The following DNAJC24 variants were observed in gnomAD, a reference collection of about 807,000 sequenced individuals.
DNAJC24 encodes the protein DnaJ heat shock protein family (Hsp40) member C24, also known as dnaJ homolog subfamily C member 24.
Under a neutral mutation model 18.0 loss-of-function variants are expected in DNAJC24, and 17 were observed. The ratio of observed to expected loss-of-function variants is 0.94; its 90% CI spans 0.65 to 1.42. The LOEUF (loss-of-function observed/expected upper bound fraction) is 1.42, where lower values mean the gene tolerates loss of function less well. Among genes scored for constraint, DNAJC24 ranks in the 40% most tolerant of loss-of-function variants. The probability of loss-of-function intolerance (pLI) is 0.00; values close to 1 mark genes in which losing one functional copy is unlikely to be tolerated. For missense variants in DNAJC24, 158 were observed against 175.6 expected (o/e 0.90, Z 0.57); for synonymous variants, 55 against 57.7 (o/e 0.95, Z 0.21).
At chr11:31,399,816 C>T (rs1952583062) in intron 2 of DNAJC24, among the ~76,000 whole-genome samples, 1 of 134,044 alleles carries the variant, frequency 7.5e-6, no homozygotes, top group South Asian at 2.6e-4. Context: ...CATAGGTATA[C>T]ATGTGCCATG....
chr11:31,418,916 TAAAAC>T (rs943616479), intron 3 of DNAJC24, among the ~76,000 whole-genome samples: 1 of 152,056 alleles, frequency 6.6e-6, no homozygotes, highest in Non-Finnish European at 1.5e-5. Flanking sequence ...AAGCAAATCT[TAAAAC>T]AAATGAGGAA....
intron 4 of DNAJC24, chr11:31,427,360 T>G (rs1358987677): frequency 1.3e-5 from 2 of 151,832 alleles, no homozygotes; most frequent in Non-Finnish European, 2.9e-5. Flanking sequence ...GAGTAGAAAT[T>G]CAGTGAATAA....
chr11:31,373,450 TTTTATATGTTG>T lies in DNAJC24; in HGVS notation c.111+2597_111+2607del, dbSNP rs1321861282. 1.5e-5 allele frequency among the ~76,000 whole-genome samples: 2 copies of T among 135,372 alleles called. 1 individual carries two copies. The highest frequency in any genetic ancestry group is 3.4e-5 in the Non-Finnish European group (2 of 58,546). The allele number at this position is 135,372 out of a possible 152,430, so 88.8% of individuals were successfully genotyped here. ...GAGTCTATTACTGGACTCTATTCTG[TTTTATATGTTG>T]TTTATCCTTTTACTAATACCTCCAT... On this transcript the variant is annotated intron_variant, in intron 2 of 4. Transcript: ENST00000465995.
At position 31,373,535 on chromosome 11, in the gene DNAJC24, G is replaced by T. The variant is rs933521144; in HGVS notation, c.111+2676G>T. Reference sequence around the variant, plus strand: ...CAGTCTCAAAGTCATTGTAAAGTTAGTTCTCTAATATTATCCTTCTTTTCC... The same window carrying T: ...CAGTCTCAAAGTCATTGTAAAGTTATTTCTCTAATATTATCCTTCTTTTCC... On this transcript the variant is annotated intron_variant, in intron 2 of 4. Coordinates refer to ENST00000465995, the MANE Select transcript of DNAJC24 (RefSeq NM_181706.5). 4.4e-5 allele frequency among the ~76,000 whole-genome samples: 6 copies of T among 135,036 alleles called. 1 individual carries two copies. Among genetic ancestry groups the T allele is most frequent in the African/African-American group, 1.5e-4 (6 of 40,320 alleles). The allele number at this position is 135,036 out of a possible 152,430, so 88.6% of individuals were successfully genotyped here.
chr11:31,394,601 G>A (rs1022365842), intron 2 of DNAJC24, among the ~76,000 whole-genome samples: 20 of 151,502 alleles, frequency 1.3e-4, no homozygotes, highest in African/African-American at 4.8e-4. Flanking sequence ...TTAAAAAAAA[G>A]TTTCTAAACA....
At chr11:31,405,457 A>G (rs964710710) in intron 2 of DNAJC24, among the ~76,000 whole-genome samples, 2 of 150,408 alleles carry the variant, frequency 1.3e-5, no homozygotes, top group African/African-American at 2.5e-5. Context: ...TCATGCTGCT[A>G]TATCAGAATA....
intron 3 of DNAJC24, among the ~76,000 whole-genome samples, chr11:31,419,355 A>C (rs975558089): frequency 4.6e-5 from 7 of 152,050 alleles, no homozygotes; most frequent in Non-Finnish European, 8.8e-5. Context: ...GACTGGCTTT[A>C]TCTTGAGTGG....
At chr11:31,382,824 G>A (rs1952389693) in intron 2 of DNAJC24, among the ~76,000 whole-genome samples, 1 of 152,052 alleles carries the variant, frequency 6.6e-6, no homozygotes, top group Admixed American at 6.6e-5. Flanking sequence ...AAGGGTTAAG[G>A]ATTCATTACC....
chr11:31,394,662 ATAT>A (rs1311695454), intron 2 of DNAJC24, among the ~76,000 whole-genome samples: 2 of 152,106 alleles, frequency 1.3e-5, no homozygotes, highest in Non-Finnish European at 2.9e-5. Context: ...TATTTAACAA[ATAT>A]TATGTTAGAA....
chr11:31,404,068 C>T (rs966047024), intron 2 of DNAJC24, among the ~76,000 whole-genome samples: 2 of 152,160 alleles, frequency 1.3e-5, no homozygotes, highest in Admixed American at 6.5e-5. Context: ...ACTGTCATGG[C>T]TCTGGTGGGA....
chr11:31,380,979 T>C (rs1952371310), intron 2 of DNAJC24, among the ~76,000 whole-genome samples: 1 of 152,174 alleles, frequency 6.6e-6, no homozygotes, highest in Admixed American at 6.5e-5. Context: ...GAGTAAATCT[T>C]ATTATAGCAC....
intron 2 of DNAJC24, among the ~76,000 whole-genome samples, chr11:31,406,603 C>T (rs1564954226): frequency 6.6e-6 from 1 of 152,166 alleles, no homozygotes; most frequent in Non-Finnish European, 1.5e-5. Flanking sequence ...AAGAGTTTCA[C>T]TGTAATTCAC....
chr11:31,391,417 A>G (rs866118636), intron 2 of DNAJC24, among the ~76,000 whole-genome samples: 1 of 152,206 alleles, frequency 6.6e-6, no homozygotes, highest in Non-Finnish European at 1.5e-5. Context: ...ACAATAGGGA[A>G]AAAATGTGAT....
At chr11:31,403,264 C>T (rs1453994473) in intron 2 of DNAJC24, among the ~76,000 whole-genome samples, 1 of 152,010 alleles carries the variant, frequency 6.6e-6, no homozygotes, top group South Asian at 2.1e-4. Context: ...CAAACAGTTA[C>T]ATCAAGATTT....
At chr11:31,387,278 CTG>C (rs1361276282) in intron 2 of DNAJC24, among the ~76,000 whole-genome samples, 1 of 152,214 alleles carries the variant, frequency 6.6e-6, no homozygotes, top group African/African-American at 2.4e-5. Flanking sequence ...GTAGTGGTCA[CTG>C]TGGGCCTTTG....
intron 3 of DNAJC24, among the ~76,000 whole-genome samples, chr11:31,424,394 A>T (rs1952840111): frequency 6.6e-6 from 1 of 152,164 alleles, no homozygotes; most frequent in South Asian, 2.1e-4. Context: ...ACAGTGTTTA[A>T]TCTCCCAATT....
chr11:31,392,766 A>G (rs1024791639), intron 2 of DNAJC24, among the ~76,000 whole-genome samples: 3 of 150,464 alleles, frequency 2.0e-5, no homozygotes, highest in South Asian at 2.1e-4. Context: ...CTTGAGCACA[A>G]TGGTGTGATC....
intron 2 of DNAJC24, among the ~76,000 whole-genome samples, chr11:31,379,400 C>G (rs919216751): frequency 3.9e-5 from 6 of 152,166 alleles, no homozygotes; most frequent in Admixed American, 1.3e-4. Flanking sequence ...ACCATACTCC[C>G]TACACCCCCA....
At chr11:31,381,212 G>T (rs866378119) in intron 2 of DNAJC24, among the ~76,000 whole-genome samples, 10 of 152,058 alleles carry the variant, frequency 6.6e-5, no homozygotes, top group African/African-American at 2.4e-4. Context: ...TTTAGCTCAC[G>T]AATCCCCTTT....
Sources: allele counts gnomAD v4.1 joint callset (sites outside exome capture counted in the v4.1 genomes callset), GRCh38; gene constraint gnomAD v4.1.1; transcripts MANE v1.5; gene names NCBI Gene and HGNC (gene_info 2026-07-23, HGNC 2026-07-21).